The following AGFG1 variants were observed in gnomAD, a reference collection of about 807,000 sequenced individuals.
The protein encoded by AGFG1 is arf-GAP domain and FG repeat-containing protein 1.
Under a neutral mutation model 60.6 loss-of-function variants are expected in AGFG1, and 10 were observed. The observed-to-expected ratio is 0.16, with a 90% CI of 0.10 to 0.28. The LOEUF (loss-of-function observed/expected upper bound fraction) is 0.28, where lower values mean the gene tolerates loss of function less well. Among genes scored for constraint, AGFG1 ranks in the 10% least tolerant of loss-of-function variants. The probability of loss-of-function intolerance (pLI) is 1.00; values close to 1 mark genes in which losing one functional copy is unlikely to be tolerated. For synonymous variants in AGFG1, 247 were observed against 242.9 expected, an observed-to-expected ratio of 1.02 and a Z score of -0.16; for missense variants, 537 against 676.5, an observed-to-expected ratio of 0.79 and a Z score of 2.29.
At chr2:227,510,314 A>T (rs1691458761) in intron 2 of AGFG1, among the ~76,000 whole-genome samples, 2 of 152,028 alleles carry the variant, frequency 1.3e-5, no homozygotes, top group South Asian at 4.2e-4. Context: ...TGGACACCTA[A>T]CCCTGGGGCT....
intron 2 of AGFG1, among the ~76,000 whole-genome samples, chr2:227,511,607 G>A (rs1691499755): frequency 1.3e-5 from 2 of 152,120 alleles, no homozygotes; most frequent in Non-Finnish European, 2.9e-5. Flanking sequence ...GGAACTAAAT[G>A]TTCTAGGTCA....
intron 2 of AGFG1, among the ~76,000 whole-genome samples, chr2:227,502,630 T>G (rs1559175955): frequency 6.6e-6 from 1 of 152,162 alleles, no homozygotes; most frequent in African/African-American, 2.4e-5. Flanking sequence ...CCTCATTTAT[T>G]TTCTTTTTGA....
chr2:227,553,866 G>C, intron 12 of AGFG1, 71 bp downstream of exon 12: 1 of 1,146,038 alleles, frequency 8.7e-7, no homozygotes. Flanking sequence ...ATAGCAGGAT[G>C]TTAATATTCC....
At position 227,475,051 on chromosome 2, in the gene AGFG1, A is replaced by G. The variant is rs145968039; in HGVS notation, c.167+2463A>G. Among the ~76,000 whole-genome samples, 3 of 152,128 alleles carry G rather than the reference A, an allele frequency of 2.0e-5. No individual in the cohort carries two copies. In the East Asian group the frequency reaches 5.8e-4, roughly 29 times the overall value. ...AAGAGGACATGCCATGAGTAAGGGA[A>G]CAGTACTGTATGTGAAAGATATTAA... On this transcript the variant is annotated intron_variant, in intron 1 of 12. Coordinates refer to ENST00000310078, the MANE Select transcript of AGFG1 (RefSeq NM_004504.5).
At chr2:227,531,456 T>G (rs1692155541) in intron 6 of AGFG1, among the ~76,000 whole-genome samples, 1 of 152,096 alleles carries the variant, frequency 6.6e-6, no homozygotes, top group South Asian at 2.1e-4. Flanking sequence ...CGCATGAATC[T>G]TCCTTATATC....
At chr2:227,534,778 A>G in intron 7 of AGFG1, 67 bp from the exon 8 acceptor site, 1 of 1,549,916 alleles carries the variant, frequency 6.5e-7, no homozygotes, top group Non-Finnish European at 8.8e-7. Flanking sequence ...TTTCATGGCA[A>G]ATGTGGTTGA....
At chr2:227,492,176 T>A (rs529878060) in intron 2 of AGFG1, among the ~76,000 whole-genome samples, 1 of 152,296 alleles carries the variant, frequency 6.6e-6, no homozygotes, top group African/African-American at 2.4e-5. Flanking sequence ...AAGCTTTTTT[T>A]CTTCTTGCCT....
At chr2:227,495,788 T>C (rs193190300) in intron 2 of AGFG1, among the ~76,000 whole-genome samples, 4 of 152,090 alleles carry the variant, frequency 2.6e-5, no homozygotes, top group South Asian at 2.1e-4. Flanking sequence ...CTTCCTAATA[T>C]GTTTGAAGAC....
intron 10 of AGFG1, among the ~76,000 whole-genome samples, chr2:227,548,522 G>C (rs1408692330): frequency 2.6e-5 from 4 of 152,162 alleles, no homozygotes; most frequent in African/African-American, 7.2e-5. Flanking sequence ...CTGTAATGTT[G>C]TTAGCAAAAT....
chr2:227,478,683 C>T (rs1690362578), intron 1 of AGFG1, among the ~76,000 whole-genome samples: 1 of 152,194 alleles, frequency 6.6e-6, no homozygotes, highest in African/African-American at 2.4e-5. Flanking sequence ...TTTGCTGGCA[C>T]ATAAGGCTTT....
chr2:227,494,071 TTATAG>T (rs1275990570), intron 2 of AGFG1, among the ~76,000 whole-genome samples: 2 of 152,208 alleles, frequency 1.3e-5, no homozygotes, highest in African/African-American at 4.8e-5. Flanking sequence ...ACATACCTTC[TTATAG>T]TATACCAAAG....
intron 1 of AGFG1, among the ~76,000 whole-genome samples, chr2:227,485,368 C>A (rs1451527554): frequency 6.7e-6 from 1 of 149,446 alleles, no homozygotes; most frequent in Non-Finnish European, 1.5e-5. Flanking sequence ...TCCTGAGTAG[C>A]TAGGATTACA....
chr2:227,493,799 T>C (rs1248549966), intron 2 of AGFG1, among the ~76,000 whole-genome samples: 1 of 152,120 alleles, frequency 6.6e-6, no homozygotes, highest in Admixed American at 6.6e-5. Context: ...AATTGCAACA[T>C]GGTATTAGAT....
chr2:227,496,332 A>G (rs1364488417), intron 2 of AGFG1, among the ~76,000 whole-genome samples: 1 of 151,906 alleles, frequency 6.6e-6, no homozygotes, highest in Admixed American at 6.6e-5. Context: ...AGATTTATTA[A>G]TAAATTACCT....
chr2:227,553,432 GC>G lies in AGFG1; in HGVS notation c.1538-271del, dbSNP rs1183180227. 7.1e-3 allele frequency among the ~76,000 whole-genome samples: 1,071 copies of G among 151,020 alleles called. 19 individuals carry two copies. The highest frequency in any genetic ancestry group is 0.025 in the African/African-American group (1,010 of 41,150). The stretch of plus-strand genomic sequence containing the variant: ...GATCACCTGAGCCCTGGAGGTTGAG[GC>G]TGCAGTGAGCCATGATCATGCTACT... On this transcript the variant is annotated intron_variant, in intron 11 of 12. Coordinates refer to ENST00000310078, the MANE Select transcript of AGFG1 (RefSeq NM_004504.5).
chr2:227,549,734 T>TA (rs1265005020), intron 10 of AGFG1, among the ~76,000 whole-genome samples: 9 of 152,222 alleles, frequency 5.9e-5, no homozygotes, highest in Non-Finnish European at 1.5e-5. Context: ...AGATGTAGCT[T>TA]ATGATGCCTA....
Position 227,559,540 on chromosome 2 carries a change from C to G in AGFG1, c.*5045C>G, listed in dbSNP as rs1559208718. On this transcript the variant is annotated 3_prime_UTR_variant, in exon 13 of 13. Coordinates refer to ENST00000310078, the MANE Select transcript of AGFG1 (RefSeq NM_004504.5). ...CTTGTCCAACACAGGGCTGTAGGGA[C>G]TGATGAAAAGAGAATGTTGTGATTT... 6.6e-6 allele frequency: 1 copy of G among 151,942 alleles called. No individual in the cohort carries two copies. Among genetic ancestry groups the G allele is most frequent in the Non-Finnish European group, 1.5e-5 (1 of 67,974 alleles). The allele number at this position is 151,942 out of a possible 1,614,324, so 9.4% of individuals were successfully genotyped here.
At chr2:227,550,397 C>T (rs1692783873) in intron 10 of AGFG1, among the ~76,000 whole-genome samples, 1 of 152,154 alleles carries the variant, frequency 6.6e-6, no homozygotes, top group Non-Finnish European at 1.5e-5. Flanking sequence ...ATTCATGGTA[C>T]TTTGAGTGAC....
At chr2:227,478,369 G>T (rs1475409805) in intron 1 of AGFG1, among the ~76,000 whole-genome samples, 21 of 151,850 alleles carry the variant, frequency 1.4e-4, no homozygotes, top group Admixed American at 1.4e-3. Context: ...TTGAGACAGG[G>T]TCTCACTCTG....
Sources: gnomAD v4.1 joint callset for allele counts (sites outside exome capture counted in the v4.1 genomes callset) on GRCh38, gnomAD v4.1.1 for gene constraint, MANE v1.5 for transcripts, NCBI Gene and HGNC (gene_info 2026-07-23, HGNC 2026-07-21) for gene names.